Variants in PLSCR4 observed in about 807,000 individuals in gnomAD.
PLSCR4 encodes the protein phospholipid scramblase 4, also known as Ca(2+)-dependent phospholipid scramblase 4.
A neutral mutation model predicts 36.3 loss-of-function variants in PLSCR4; 25 were observed. The observed-to-expected ratio is 0.69, with a 90% CI of 0.50 to 0.96. The LOEUF (loss-of-function observed/expected upper bound fraction) is 0.96, where lower values mean the gene tolerates loss of function less well. PLSCR4 is among the 40% of genes least tolerant of loss of function. PLSCR4 has a pLI of 0.00. For missense variants in PLSCR4, 408 were observed against 414.7 expected (o/e 0.98, Z 0.14); for synonymous variants, 122 against 132.9 (o/e 0.92, Z 0.56).
chr3:146,245,459 A>T (rs2036299419), intron 1 of PLSCR4, among the ~76,000 whole-genome samples: 1 of 152,096 alleles, frequency 6.6e-6, no homozygotes, highest in African/African-American at 2.4e-5. Flanking sequence ...TAAGTGATAC[A>T]TTCTCATTTT....
At chr3:146,205,087 G>C (rs6808115) in intron 4 of PLSCR4, among the ~76,000 whole-genome samples, 58,263 of 151,822 alleles carry the variant, frequency 0.38, 11,633 homozygotes, top group South Asian at 0.52. Flanking sequence ...GACAGAACTC[G>C]AGGAAATACT....
At chr3:146,211,125 A>T (rs796752103) in intron 3 of PLSCR4, among the ~76,000 whole-genome samples, 1 of 152,044 alleles carries the variant, frequency 6.6e-6, no homozygotes, top group Non-Finnish European at 1.5e-5. Context: ...TCCATTATTA[A>T]CTGCCAAACT....
At chr3:146,229,099 A>C (rs1400833122) in intron 1 of PLSCR4, among the ~76,000 whole-genome samples, 2 of 152,216 alleles carry the variant, frequency 1.3e-5, no homozygotes, top group Non-Finnish European at 2.9e-5. Flanking sequence ...CATATAACTT[A>C]GTATTGCATA....
rs375780003 is a variant in PLSCR4, at chr3:146,227,275, G to T, written c.-21-5183C>A. Among the ~76,000 whole-genome samples, 58 of 152,164 alleles carry T rather than the reference G, an allele frequency of 3.8e-4. 5 individuals carry two copies. The South Asian group carries it at 8.9e-3, about 23-fold the overall frequency. On this transcript the variant is annotated intron_variant, in intron 1 of 8. Coordinates refer to ENST00000354952, the MANE Select transcript of PLSCR4 (RefSeq NM_020353.3). ...ATTGCAGAGGCCTTGGTATTTTGGG[G>T]GCATGATATGCATACAGGGGAATCT...
intron 1 of PLSCR4, among the ~76,000 whole-genome samples, chr3:146,239,612 G>A (rs1480369940): frequency 2.0e-5 from 3 of 152,148 alleles, no homozygotes; most frequent in Admixed American, 1.3e-4. Context: ...GGCCAGATGC[G>A]GTGGCTAATG....
rs192260197 is a variant in PLSCR4, at chr3:146,217,280, C to T, written c.118+3535G>A. On this transcript the variant is annotated intron_variant, in intron 3 of 8. Coordinates refer to ENST00000354952, the MANE Select transcript of PLSCR4 (RefSeq NM_020353.3). Reference sequence around the variant, plus strand: ...TAACCTATGCAGAGAAGGTATACTACGATATAGATGCTAACACACTAGACC... The same window carrying T: ...TAACCTATGCAGAGAAGGTATACTATGATATAGATGCTAACACACTAGACC... 1.7e-3 allele frequency among the ~76,000 whole-genome samples: 263 copies of T among 152,222 alleles called. 1 individual carries two copies. Among genetic ancestry groups the T allele is most frequent in the Non-Finnish European group, 2.9e-3 (197 of 68,004 alleles).
chr3:146,247,042 GT>G (rs1307192874), intron 1 of PLSCR4, among the ~76,000 whole-genome samples: 15 of 151,908 alleles, frequency 9.9e-5, no homozygotes, highest in African/African-American at 3.6e-4. Context: ...ACTTTTCTGT[GT>G]CTTTTTCTTT....
intron 3 of PLSCR4, among the ~76,000 whole-genome samples, chr3:146,212,167 C>T (rs776279887): frequency 2.0e-5 from 3 of 152,122 alleles, no homozygotes; most frequent in South Asian, 4.1e-4. Flanking sequence ...CTGTAAAATG[C>T]CTTTCCACTT....
At chr3:146,241,659 A>G (rs921062705) in intron 1 of PLSCR4, among the ~76,000 whole-genome samples, 14 of 152,208 alleles carry the variant, frequency 9.2e-5, no homozygotes, top group Non-Finnish European at 4.4e-5. Context: ...ACTAGACAGC[A>G]TCATCAACCA....
chr3:146,241,047 C>T (rs2036130008), intron 1 of PLSCR4, among the ~76,000 whole-genome samples: 2 of 152,084 alleles, frequency 1.3e-5, no homozygotes, highest in Middle Eastern at 3.4e-3. Flanking sequence ...CCTGGATGAA[C>T]CTTGAAAACA....
At chr3:146,246,111 A>C (rs2036328459) in intron 1 of PLSCR4, among the ~76,000 whole-genome samples, 1 of 152,160 alleles carries the variant, frequency 6.6e-6, no homozygotes, top group South Asian at 2.1e-4. Context: ...AGGCTTGCAC[A>C]AAAGATAAAC....
At chr3:146,234,731 A>G (rs1255948258) in intron 1 of PLSCR4, among the ~76,000 whole-genome samples, 1 of 152,178 alleles carries the variant, frequency 6.6e-6, no homozygotes, top group African/African-American at 2.4e-5. Context: ...GATTGTCCCT[A>G]TAAAGTTGTT....
chr3:146,221,588 A>AT (rs2035143553), intron 2 of PLSCR4, among the ~76,000 whole-genome samples: 2 of 151,962 alleles, frequency 1.3e-5, no homozygotes, highest in Non-Finnish European at 2.9e-5. Context: ...TACAAAAAAA[A>AT]GCTGAGTTTC....
At chr3:146,240,794 T>C (rs373034672) in intron 1 of PLSCR4, among the ~76,000 whole-genome samples, 3 of 152,048 alleles carry the variant, frequency 2.0e-5, no homozygotes, top group South Asian at 4.2e-4. Flanking sequence ...AAACATAGAG[T>C]TTCATTATGG....
intron 1 of PLSCR4, among the ~76,000 whole-genome samples, chr3:146,244,592 C>T (rs969960878): frequency 6.6e-6 from 1 of 151,918 alleles, no homozygotes; most frequent in African/African-American, 2.4e-5. Context: ...TGTTTTGGGA[C>T]CCCATGAACC....
rs528475249 is a variant in PLSCR4, at chr3:146,201,388, T to C, written c.355-311A>G. 2.6e-5 allele frequency among the ~76,000 whole-genome samples: 4 copies of C among 152,210 alleles called. No individual in the cohort carries two copies. The East Asian group carries it at 5.8e-4, about 22-fold the overall frequency. ...ATCACATCAGAAGAAGCTGTGCTTA[T>C]AGATTGTTCCTAGATAAGTCCCTAC... On this transcript the variant is annotated intron_variant, in intron 4 of 8. Transcript: ENST00000354952.
At chr3:146,212,551 A>G (rs538084351) in intron 3 of PLSCR4, among the ~76,000 whole-genome samples, 1 of 151,626 alleles carries the variant, frequency 6.6e-6, no homozygotes, top group East Asian at 1.9e-4. Context: ...CCTGGACTCA[A>G]TTGATCCTTC....
intron 1 of PLSCR4, among the ~76,000 whole-genome samples, chr3:146,235,115 A>G (rs915108480): frequency 2.0e-5 from 3 of 152,208 alleles, no homozygotes; most frequent in African/African-American, 7.2e-5. Context: ...AAAGAACCAG[A>G]AAAACCTCCA....
intron 3 of PLSCR4, among the ~76,000 whole-genome samples, chr3:146,213,975 A>G (rs13326891): frequency 0.26 from 39,977 of 151,984 alleles, 6,455 homozygotes; most frequent in Admixed American, 0.34. Context: ...ATCCTCTCAA[A>G]TAACAAATTT....
Sources: gnomAD v4.1 joint callset for allele counts (sites outside exome capture counted in the v4.1 genomes callset) on GRCh38, gnomAD v4.1.1 for gene constraint, MANE v1.5 for transcripts, NCBI Gene and HGNC (gene_info 2026-07-23, HGNC 2026-07-21) for gene names.